The following BMP8A variants were observed in gnomAD, a reference collection of about 807,000 sequenced individuals.
BMP8A encodes bone morphogenetic protein 8a, also known as BMP-8A.
BMP8A carries 14 observed loss-of-function variants against 36.8 expected under a neutral mutation model. The observed-to-expected ratio is 0.38, with a 90% CI of 0.25 to 0.60. The LOEUF (loss-of-function observed/expected upper bound fraction) is 0.60. BMP8A is among the 20% of genes least tolerant of loss of function. BMP8A has a pLI of 0.63. For synonymous variants in BMP8A, 120 were observed against 237.7 expected (o/e 0.50, Z 4.55); for missense variants, 267 against 551.1 (o/e 0.48, Z 5.16).
Position 39,525,774 on chromosome 1 carries a change from G to A in BMP8A, c.1185G>A (p.Val395=). ...TCCTGCGCAAGCACCGCAACATGGT[G>A]GTCAAGGCCTGCGGCTGCCACTGAG... ...NVILRKHRNM[V]VKACGCH The change falls in exon 7 of 7, where the codon GTG becomes GTA. Residue 395 remains valine (V), a synonymous_variant. Transcript: ENST00000331593. 3.1e-6 allele frequency: 5 copies of A among 1,614,154 alleles called. No homozygotes were observed. Among genetic ancestry groups the A allele is most frequent in the Non-Finnish European group, 4.2e-6 (5 of 1,180,038 alleles).
intron 4 of BMP8A, 104 bp from the exon 5 acceptor site, chr1:39,522,299 T>C (rs1230713397): frequency 4.2e-6 from 5 of 1,200,308 alleles, no homozygotes; most frequent in Non-Finnish European, 3.5e-6. Flanking sequence ...GTCATTCATT[T>C]ATTTGACAAA....
rs9988612 is a variant in BMP8A, at chr1:39,526,441, C to G, written c.*643C>G. ...GCAACCTCTGCCTCCCAGGTTCAAG[C>G]AATTCTCGTGCCTCAGCCTCCTGAG... On this transcript the variant is annotated 3_prime_UTR_variant, in exon 7 of 7. Transcript: ENST00000331593. Among the ~76,000 whole-genome samples, 3,368 of 151,752 alleles carry G rather than the reference C, an allele frequency of 0.022. 116 individuals carry two copies. Among genetic ancestry groups the G allele is most frequent in the African/African-American group, 0.074 (3,068 of 41,288 alleles).
intron 1 of BMP8A, among the ~76,000 whole-genome samples, chr1:39,504,256 GGCACTCAGCATATGGAGGACCT>G (rs1282857894): frequency 1.3e-5 from 2 of 151,714 alleles, no homozygotes; most frequent in African/African-American, 4.8e-5. Flanking sequence ...CCAGGGGACC[GGCACTCAGCATATGGAGGACCT>G]GCACCGGCAC....
chr1:39,495,033 G>A (rs1262164822), intron 1 of BMP8A, among the ~76,000 whole-genome samples: 2 of 151,746 alleles, frequency 1.3e-5, no homozygotes, highest in African/African-American at 4.8e-5. Flanking sequence ...GTGGGTGGGG[G>A]GTGGATAGAC....
At chr1:39,509,980 C>T (rs540199014) in intron 1 of BMP8A, among the ~76,000 whole-genome samples, 1 of 152,104 alleles carries the variant, frequency 6.6e-6, no homozygotes, top group East Asian at 1.9e-4. Flanking sequence ...TCCGCAACTA[C>T]AGCCTTTGTT....
Position 39,511,189 on chromosome 1 carries a change from C to T in BMP8A, c.350C>T (p.Ala117Val). The T allele has an allele frequency of 2.1e-6, 3 of 1,411,664 alleles. No homozygotes were observed. Among genetic ancestry groups the T allele is most frequent in the Non-Finnish European group, 2.8e-6 (3 of 1,056,918 alleles). The allele number at this position is 1,411,664 out of a possible 1,614,324, so 87.4% of individuals were successfully genotyped here. ...TGTCTTCTAGTGGAGCGAGACCGTG[C>T]CCTGGGCCACCAGGAGCCCCATTGG... ...SFVNMVERDR[A>V]LGHQEPHWKE... The change falls in exon 2 of 7, where the codon GCC becomes GTC. Residue 117 changes from alanine to valine, a missense_variant. Transcript: ENST00000331593.
At position 39,515,609 on chromosome 1, in the gene BMP8A, A is replaced by G. The variant is rs1310441231; in HGVS notation, c.673+3705A>G. 3.9e-6 allele frequency: 6 copies of G among 1,538,432 alleles called. No individual in the cohort carries two copies. The African/African-American group carries it at 6.8e-5, about 17-fold the overall frequency. On this transcript the variant is annotated intron_variant, in intron 3 of 6. Transcript: ENST00000331593. ...TGAAAGGGTGGAAGGCCGACCGGGCAGGAAACGTGGTCTTCAGGAGAAGCG... is the reference window on the plus strand; with the variant it reads ...TGAAAGGGTGGAAGGCCGACCGGGCGGGAAACGTGGTCTTCAGGAGAAGCG...
At chr1:39,523,422 A>G in intron 6 of BMP8A, 1 of 1,114,138 alleles carries the variant, frequency 9.0e-7, no homozygotes, top group Non-Finnish European at 1.2e-6. Context: ...CGGCGCTCAG[A>G]GGCACAGCAC....
At chr1:39,504,571 G>T (rs149110276) in intron 1 of BMP8A, among the ~76,000 whole-genome samples, 1 of 152,180 alleles carries the variant, frequency 6.6e-6, no homozygotes. Flanking sequence ...TCTCAGGGTC[G>T]TGGGTTCAAG....
intron 1 of BMP8A, among the ~76,000 whole-genome samples, chr1:39,502,531 G>A (rs1645262315): frequency 6.6e-6 from 1 of 152,150 alleles, no homozygotes; most frequent in African/African-American, 2.4e-5. Context: ...GATTCCAGGG[G>A]TGGGGATGGA....
intron 6 of BMP8A, chr1:39,525,242 G>A (rs1645470493): frequency 1.1e-5 from 2 of 180,004 alleles, no homozygotes; most frequent in South Asian, 1.4e-4. Context: ...CAGAGCCTCT[G>A]GGGGGGTCTG....
chr1:39,505,471 AC>A (rs1645293375), intron 1 of BMP8A, among the ~76,000 whole-genome samples: 1 of 152,220 alleles, frequency 6.6e-6, no homozygotes, highest in African/African-American at 2.4e-5. Flanking sequence ...TTACAGATTA[AC>A]AGCATCTCAA....
At position 39,521,409 on chromosome 1, in the gene BMP8A, TGGGTCAAC is replaced by T; in HGVS notation, c.711_718del (p.Gln238ProfsTer50). The T allele has an allele frequency of 2.4e-6, 3 of 1,256,540 alleles. 1 individual carries two copies. Among genetic ancestry groups the T allele is most frequent in the Non-Finnish European group, 3.2e-6 (3 of 944,338 alleles). The allele number at this position is 1,256,540 out of a possible 1,614,324, so 77.8% of individuals were successfully genotyped here. A position where few individuals can be genotyped will look rare whatever the true frequency, so the allele number is the denominator to read the frequency against. Reference sequence around the variant, plus strand: ...GTGGATCCTGGCCTGGCCGGCCTGCTGGGTCAACGGGCCCCACGCTCCCAACAGCCTTT... The same window carrying T: ...GTGGATCCTGGCCTGGCCGGCCTGCTGGGCCCCACGCTCCCAACAGCCTTT... On this transcript the variant is annotated frameshift_variant, in exon 4 of 7. Transcript: ENST00000331593. LOFTEE classifies it high-confidence loss of function.
At chr1:39,508,705 G>A (rs1176243618) in intron 1 of BMP8A, among the ~76,000 whole-genome samples, 1 of 152,200 alleles carries the variant, frequency 6.6e-6, no homozygotes, top group East Asian at 1.9e-4. Context: ...ACAACCACTG[G>A]CCAGCTCCAG....
At chr1:39,502,384 C>G (rs1274700179) in intron 1 of BMP8A, among the ~76,000 whole-genome samples, 1 of 152,156 alleles carries the variant, frequency 6.6e-6, no homozygotes, top group Non-Finnish European at 1.5e-5. Context: ...ACATATATTT[C>G]CTAGCTCTGT....
rs1645460747 is a variant in BMP8A, at chr1:39,524,326, G to T, written c.1059+1209G>T. Among the ~76,000 whole-genome samples, 1 of 152,088 alleles carries T rather than the reference G, an allele frequency of 6.6e-6. No homozygotes were observed. The highest frequency in any genetic ancestry group is 1.5e-5 in the Non-Finnish European group (1 of 68,020). On this transcript the variant is annotated intron_variant, in intron 6 of 6. Coordinates refer to ENST00000331593, the MANE Select transcript of BMP8A (RefSeq NM_181809.4). The surrounding 1 kb of genome is among the most constrained non-coding windows in gnomAD (Gnocchi z 4.0). The stretch of plus-strand genomic sequence containing the variant: ...TAGAGTGAGTGCTCACAGCCTACAG[G>T]GCAGCAAACAGGCACTGTGCTCTAG...
chr1:39,499,390 A>G (rs1645234270), intron 1 of BMP8A, among the ~76,000 whole-genome samples: 2 of 152,214 alleles, frequency 1.3e-5, no homozygotes, highest in African/African-American at 2.4e-5. Flanking sequence ...CTGAGGGGAG[A>G]TGGGACAGGT....
At chr1:39,510,580 G>A (rs1454342461) in intron 1 of BMP8A, among the ~76,000 whole-genome samples, 4 of 150,530 alleles carry the variant, frequency 2.7e-5, no homozygotes, top group Admixed American at 6.6e-5. Context: ...TTGGCTGGCC[G>A]GCCCCTGCAG....
rs34366175 is a variant in BMP8A, at chr1:39,526,058, G to GGAGT, written c.*261_*264dup. On this transcript the variant is annotated 3_prime_UTR_variant, in exon 7 of 7. Transcript: ENST00000331593. ...AGAGCCTGTGCTGACTGCACTGTCT[G>GGAGT]GAGTCAGCACAGAAGTCCTATCTTA... is the stretch of plus-strand genomic sequence containing the variant. 0.53 allele frequency: 292,147 copies of GGAGT among 554,520 alleles called. 81,799 individuals carry two copies. Among genetic ancestry groups the GGAGT allele is most frequent in the South Asian group, 0.73 (33,335 of 45,428 alleles). The allele number at this position is 554,520 out of a possible 1,614,324, so 34.3% of individuals were successfully genotyped here.
Sources: allele counts gnomAD v4.1 joint callset (sites outside exome capture counted in the v4.1 genomes callset), GRCh38; gene constraint gnomAD v4.1.1; non-coding constraint Gnocchi (gnomAD v3.1); transcripts MANE v1.5; gene names NCBI Gene and HGNC (gene_info 2026-07-23, HGNC 2026-07-21).